Variants in DPP10 observed in about 807,000 individuals in gnomAD.
DPP10 encodes inactive dipeptidyl peptidase 10.
Under a neutral mutation model 120.9 loss-of-function variants are expected in DPP10, and 33 were observed. That is an observed-to-expected ratio of 0.27 (90% CI 0.21 to 0.37). The LOEUF is 0.37. Ranked by LOEUF, DPP10 falls within the 10% of genes least tolerant of loss-of-function variation. The probability of loss-of-function intolerance (pLI) is 1.00; values close to 1 mark genes in which losing one functional copy is unlikely to be tolerated. For missense variants in DPP10, 816 were observed against 942.8 expected (o/e 0.87, Z 1.76); for synonymous variants, 337 against 326.1 (o/e 1.03, Z -0.36).
At chr2:115,318,253 A>T (rs1356383) in intron 2 of DPP10, among the ~76,000 whole-genome samples, 7,042 of 152,080 alleles carry the variant, frequency 0.046, 251 homozygotes, top group Non-Finnish European at 0.065. Flanking sequence ...TATATGAGTT[A>T]TTTCTGGGCT....
intron 1 of DPP10, among the ~76,000 whole-genome samples, chr2:115,248,266 C>T (rs948694315): frequency 1.3e-5 from 2 of 152,096 alleles, no homozygotes; most frequent in Non-Finnish European, 2.9e-5. Flanking sequence ...AGTATGAGTC[C>T]CACAGGAGAA....
intron 1 of DPP10, among the ~76,000 whole-genome samples, chr2:114,639,065 T>C (rs1695512423): frequency 1.3e-5 from 2 of 152,030 alleles, no homozygotes; most frequent in African/African-American, 2.4e-5. Flanking sequence ...TTCTCACTTA[T>C]AGTGTATATT....
intron 1 of DPP10, among the ~76,000 whole-genome samples, chr2:115,238,553 G>C (rs1286533627): frequency 6.6e-6 from 1 of 152,086 alleles, no homozygotes. Flanking sequence ...CGAGACTTTA[G>C]TGAAGGAATT....
Position 115,704,129 on chromosome 2 carries a change from G to T in DPP10, c.576+14208G>T, listed in dbSNP as rs558648090. Among the ~76,000 whole-genome samples, 4 of 151,786 alleles carry T rather than the reference G, an allele frequency of 2.6e-5. No homozygotes were observed. In the East Asian group the frequency reaches 7.8e-4, roughly 30 times the overall value. Reference sequence around the variant, plus strand: ...CATCATCTGAGCTCCTGCCACTCCAGCACAGAGCACATATTTTTCTCTACC... The same window carrying T: ...CATCATCTGAGCTCCTGCCACTCCATCACAGAGCACATATTTTTCTCTACC... On this transcript the variant is annotated intron_variant, in intron 7 of 25. Coordinates refer to ENST00000410059, the MANE Select transcript of DPP10 (RefSeq NM_020868.6).
In DPP10 at chr2:114,632,503, G is replaced by GTTT. The variant is rs756591992; in HGVS notation, c.60+189689_60+189691dup. Among the ~76,000 whole-genome samples the GTTT allele has an allele frequency of 2.2e-3, 196 of 88,630 alleles. 36 individuals are homozygous for GTTT. Among genetic ancestry groups the GTTT allele is most frequent in the African/African-American group, 6.4e-3 (141 of 21,998 alleles). The allele number at this position is 88,630 out of a possible 152,430, so 58.1% of individuals were successfully genotyped here. On this transcript the variant is annotated intron_variant, in intron 1 of 25. Transcript: ENST00000410059. ...ATAACTGTGTAACTATGGACTTAGG[G>GTTT]TTTTTTTTTTTTTTTTTTTTTTTTT...
intron 1 of DPP10, among the ~76,000 whole-genome samples, chr2:114,969,429 A>G (rs1332818898): frequency 1.3e-5 from 2 of 152,218 alleles, no homozygotes; most frequent in African/African-American, 4.8e-5. Context: ...TACAGAGATT[A>G]TATCAGGAAA....
intron 1 of DPP10, among the ~76,000 whole-genome samples, chr2:114,990,053 TTC>T (rs1370530433): frequency 6.6e-6 from 1 of 152,214 alleles, no homozygotes; most frequent in Non-Finnish European, 1.5e-5. Flanking sequence ...AACTGTACTT[TTC>T]TCTCTTTCTT....
At chr2:115,158,412 G>A (rs2052063452) in intron 1 of DPP10, among the ~76,000 whole-genome samples, 1 of 152,160 alleles carries the variant, frequency 6.6e-6, no homozygotes, top group Non-Finnish European at 1.5e-5. Context: ...TTGTATGTGA[G>A]GAAGTTTTTG....
At chr2:115,058,903 C>T (rs1289309195) in intron 1 of DPP10, among the ~76,000 whole-genome samples, 1 of 152,198 alleles carries the variant, frequency 6.6e-6, no homozygotes, top group African/African-American at 2.4e-5. Context: ...ATACAACTCC[C>T]TATTCTGTTG....
At chr2:114,451,586 G>A (rs964606918) in intron 1 of DPP10, among the ~76,000 whole-genome samples, 9 of 152,070 alleles carry the variant, frequency 5.9e-5, no homozygotes. Context: ...AAAAGGCAAT[G>A]CAACTGTCAT....
chr2:115,472,244 A>C (rs2074775154), intron 3 of DPP10, among the ~76,000 whole-genome samples: 1 of 152,172 alleles, frequency 6.6e-6, no homozygotes, highest in South Asian at 2.1e-4. Flanking sequence ...TGTAGAAAAT[A>C]ATGCAAAGAA....
At chr2:115,094,367 A>G (rs1456538600) in intron 1 of DPP10, among the ~76,000 whole-genome samples, 2 of 152,064 alleles carry the variant, frequency 1.3e-5, no homozygotes, top group Non-Finnish European at 2.9e-5. Flanking sequence ...AAATATCTGG[A>G]CTGAGGTATA....
chr2:114,519,840 A>T (rs958044251), intron 1 of DPP10, among the ~76,000 whole-genome samples: 1 of 152,202 alleles, frequency 6.6e-6, no homozygotes, highest in African/African-American at 2.4e-5. Flanking sequence ...CAGTTGAATG[A>T]GTTGTTTTAG....
At chr2:115,429,517 A>G (rs908798129) in intron 3 of DPP10, among the ~76,000 whole-genome samples, 4 of 152,208 alleles carry the variant, frequency 2.6e-5, no homozygotes, top group African/African-American at 9.6e-5. Flanking sequence ...TCAAAAGAAG[A>G]CAGATTTATT....
intron 1 of DPP10, among the ~76,000 whole-genome samples, chr2:115,069,338 T>G (rs1553481883): frequency 6.6e-6 from 1 of 152,136 alleles, no homozygotes; most frequent in Non-Finnish European, 1.5e-5. Context: ...TTTGGGTGTT[T>G]CATTGTTAGT....
chr2:115,608,150 G>A (rs1304991188), intron 5 of DPP10, among the ~76,000 whole-genome samples: 2 of 152,122 alleles, frequency 1.3e-5, no homozygotes, highest in Non-Finnish European at 2.9e-5. Context: ...CACTTTGAGA[G>A]GCAGAGGCGG....
At chr2:114,914,195 A>G (rs539070751) in intron 1 of DPP10, among the ~76,000 whole-genome samples, 5 of 152,322 alleles carry the variant, frequency 3.3e-5, no homozygotes, top group Middle Eastern at 3.4e-3. Flanking sequence ...GTGCAAATCT[A>G]GAAAATTCAG....
At chr2:114,585,888 C>A (rs1323619037) in intron 1 of DPP10, among the ~76,000 whole-genome samples, 2 of 152,132 alleles carry the variant, frequency 1.3e-5, no homozygotes, top group East Asian at 3.8e-4. Flanking sequence ...GACAAAAGGA[C>A]ACATAGAAAA....
intron 1 of DPP10, among the ~76,000 whole-genome samples, chr2:114,838,482 T>C (rs1038576353): frequency 6.6e-6 from 1 of 151,942 alleles, no homozygotes; most frequent in African/African-American, 2.4e-5. Context: ...CTAGCTAATT[T>C]TTTTGGATTT....
Sources: gnomAD v4.1 joint callset for allele counts (sites outside exome capture counted in the v4.1 genomes callset) on GRCh38, gnomAD v4.1.1 for gene constraint, MANE v1.5 for transcripts, NCBI Gene and HGNC (gene_info 2026-07-23, HGNC 2026-07-21) for gene names.